The following PLB1 variants were observed in gnomAD, a reference collection of about 807,000 sequenced individuals.
The protein encoded by PLB1 is phospholipase B1.
In PLB1, 242 loss-of-function variants were observed where a neutral mutation model predicts 227.4. The observed-to-expected ratio is 1.06, with a 90% CI of 0.96 to 1.18. The LOEUF (loss-of-function observed/expected upper bound fraction) is 1.18, where lower values mean the gene tolerates loss of function less well. Ranked by LOEUF, PLB1 falls within the 50% of genes most tolerant of loss-of-function variation. The probability of loss-of-function intolerance (pLI) is 0.00; values close to 1 mark genes in which losing one functional copy is unlikely to be tolerated. For synonymous variants in PLB1, 757 were observed against 682.2 expected (o/e 1.11, Z -1.71); for missense variants, 1,858 against 1,816.3 (o/e 1.02, Z -0.42).
chr2:28,529,213 G>T, intron 6 of PLB1, 104 bp from the exon 7 acceptor site: 1 of 751,254 alleles, frequency 1.3e-6, no homozygotes, highest in South Asian at 1.6e-5. Flanking sequence ...CCAAGGTACT[G>T]AGATTATAGG....
At chr2:28,611,250 C>T (rs530357905) in intron 43 of PLB1, among the ~76,000 whole-genome samples, 32 of 152,320 alleles carry the variant, frequency 2.1e-4, no homozygotes, top group African/African-American at 6.7e-4. Flanking sequence ...CTCTGCCTCC[C>T]TTTCCCCAAC....
At position 28,602,911 on chromosome 2, in the gene PLB1, C is replaced by T; in HGVS notation, c.2764C>T (p.Gln922Ter). The change falls in exon 39 of 58, where the codon CAG becomes TAG. Residue 922 changes from glutamine (Q) to a stop codon, truncating the protein, a stop_gained. Coordinates refer to ENST00000327757, the MANE Select transcript of PLB1 (RefSeq NM_153021.5). LOFTEE classifies it high-confidence loss of function. ...GGGAAACCCAGACAAGTGCCCAGTG[C>T]AGCAGGCCAGGTAGGCAGGTCCTGG... ...FLGNPDKCPV[Q>*]QASVLCNCVL... The T allele has an allele frequency of 2.5e-6, 4 of 1,614,074 alleles. No individual in the cohort carries two copies. Among genetic ancestry groups the T allele is most frequent in the Non-Finnish European group, 3.4e-6 (4 of 1,179,938 alleles).
rs575131588 is a variant in PLB1 at position 28,623,905 on chromosome 2, G to C, written c.3528-1152G>C. 4.4e-3 allele frequency among the ~76,000 whole-genome samples: 669 copies of C among 152,300 alleles called. 3 individuals are homozygous for C. The highest frequency in any genetic ancestry group is 0.015 in the African/African-American group (634 of 41,552). On this transcript the variant is annotated intron_variant, in intron 49 of 57. Coordinates refer to ENST00000327757, the MANE Select transcript of PLB1 (RefSeq NM_153021.5). ...TTGCCCAGGAGTTGGAGACCAGTCT[G>C]AGCAACTTGGTGAAACCCTGTCTCT...
intron 23 of PLB1, among the ~76,000 whole-genome samples, chr2:28,581,472 G>T (rs1679928840): frequency 7.4e-6 from 1 of 134,884 alleles, no homozygotes; most frequent in African/African-American, 3.0e-5. Context: ...AGTAGATCCA[G>T]AGCTCCACGC....
intron 43 of PLB1, among the ~76,000 whole-genome samples, chr2:28,612,769 A>ATTTTTTTTTTTTTTTTT (rs10557060): frequency 1.6e-5 from 2 of 124,906 alleles, no homozygotes; most frequent in African/African-American, 6.1e-5. Context: ...CCACACCTGG[A>ATTTTTTTTTTTTTTTTT]TTTTTTTTTT....
At chr2:28,587,542 G>A (rs62131024) in intron 26 of PLB1, among the ~76,000 whole-genome samples, 30,775 of 151,844 alleles carry the variant, frequency 0.2, 3,244 homozygotes, top group East Asian at 0.28. Context: ...CCCAGGAGGC[G>A]GAGGTTGCAG....
intron 19 of PLB1, 146 bp from the exon 20 acceptor site, chr2:28,566,650 T>G (rs1676959568): frequency 7.1e-6 from 6 of 845,724 alleles, no homozygotes; most frequent in Middle Eastern, 4.6e-4. Context: ...GCTTTTTCCG[T>G]TTTTCTACTG....
chr2:28,554,241 AATAG>A (rs954658474), intron 17 of PLB1, among the ~76,000 whole-genome samples: 1 of 152,120 alleles, frequency 6.6e-6, no homozygotes, highest in South Asian at 2.1e-4. Context: ...CTTACTCAAA[AATAG>A]ATAGATTAGG....
Position 28,601,258 on chromosome 2 carries a change from A to T in PLB1, c.2533A>T (p.Asn845Tyr), listed in dbSNP as rs753253333. The T allele has an allele frequency of 1.9e-6, 3 of 1,612,990 alleles. No homozygotes were observed. In the South Asian group the frequency reaches 3.3e-5, roughly 18 times the overall value. Reference protein sequence around the residue: ...MQKMKDDHRVNFHEDWKVITV... With the variant: ...MQKMKDDHRVYFHEDWKVITV... ...TTTTCCTCCCTCCATATAGAGAGTAAATTTCCATGAAGACTGGAAGGTCAT... is the reference window on the plus strand; with the variant it reads ...TTTTCCTCCCTCCATATAGAGAGTATATTTCCATGAAGACTGGAAGGTCAT... The change falls in exon 37 of 58, where the codon AAT becomes TAT. Residue 845 changes from asparagine (N) to tyrosine (Y), a missense_variant. Physicochemically the swap from Asn to Tyr is moderately radical, Grantham distance 143 (BLOSUM62 -2). Transcript: ENST00000327757.
At position 28,538,330 on chromosome 2, in the gene PLB1, G is replaced by A. The variant is rs756041365; in HGVS notation, c.567G>A (p.Ala189=). Residue 189 remains alanine, a synonymous_variant, in exon 10 of 58, where the codon GCG becomes GCA. Coordinates refer to ENST00000327757, the MANE Select transcript of PLB1 (RefSeq NM_153021.5). The part of the protein sequence containing the change: ...LCPSAQQNGL[A]AGGVDELMGV... ...TTCTCCTCTCACAGAATGGGCTTGC[G>A]GCGGGCGGCGTGGATGAGCTGATGG... 29 of 1,613,474 alleles carry A rather than the reference G, an allele frequency of 1.8e-5. No homozygotes were observed. Among genetic ancestry groups the A allele is most frequent in the African/African-American group, 1.3e-4 (10 of 74,896 alleles).
chr2:28,564,609 G>T (rs977807079), intron 18 of PLB1, among the ~76,000 whole-genome samples: 18 of 152,188 alleles, frequency 1.2e-4, no homozygotes, highest in African/African-American at 4.3e-4. Flanking sequence ...TCCTAGGGAG[G>T]CAGCACTTTG....
Position 28,614,025 on chromosome 2 carries a change from T to G in PLB1, c.3130-6T>G, listed in dbSNP as rs748431461. 91 of 1,606,926 alleles carry G rather than the reference T, an allele frequency of 5.7e-5. No homozygotes were observed. The highest frequency in any genetic ancestry group is 6.2e-5 in the Non-Finnish European group (73 of 1,173,668). On this transcript the variant is annotated splice_polypyrimidine_tract_variant and splice_region_variant and intron_variant, in intron 43 of 57. Coordinates refer to ENST00000327757, the MANE Select transcript of PLB1 (RefSeq NM_153021.5). ...TAACTTCTCCATGTGTTTTTTTTTC[T>G]CTTAGAATGAGCCCTTCCTGAGAAC...
chr2:28,619,819 T>TGGTG (rs1686760826), intron 46 of PLB1, among the ~76,000 whole-genome samples: 1 of 151,898 alleles, frequency 6.6e-6, no homozygotes, highest in Non-Finnish European at 1.5e-5. Context: ...CTCAGAAGAT[T>TGGTG]GGTGGTGGGA....
rs1326097549 is a variant in PLB1 at position 28,574,380 on chromosome 2, CATTCTTTTT to C, written c.1433+1076_1433+1084del. ...TCTGAGTCCCCAAAGTCCATTATATCATTCTTTTTTTTTTTTTTTTGAGACAGGGTCTTG... is the reference window on the plus strand; with the variant it reads ...TCTGAGTCCCCAAAGTCCATTATATCTTTTTTTTTTTGAGACAGGGTCTTG... On this transcript the variant is annotated intron_variant, in intron 21 of 57. Coordinates refer to ENST00000327757, the MANE Select transcript of PLB1 (RefSeq NM_153021.5). Among the ~76,000 whole-genome samples, 20 of 33,944 alleles carry C rather than the reference CATTCTTTTT, an allele frequency of 5.9e-4. 1 individual carries two copies. The highest frequency in any genetic ancestry group is 5.5e-3 in the Admixed American group (12 of 2,198). 22.3% of individuals were successfully genotyped at this position (33,944 alleles called of 152,430 possible).
chr2:28,525,784 C>G (rs772927635), intron 5 of PLB1, 121 bp from the exon 6 acceptor site: 1 of 1,261,712 alleles, frequency 7.9e-7, no homozygotes, highest in Non-Finnish European at 1.1e-6. Flanking sequence ...GGAGGATAAT[C>G]CCAGAACCAG....
intron 1 of PLB1, among the ~76,000 whole-genome samples, chr2:28,504,340 G>T (rs1572629368): frequency 6.6e-6 from 1 of 152,222 alleles, no homozygotes; most frequent in East Asian, 1.9e-4. Flanking sequence ...TTGAAAATTG[G>T]TGATTTTATT....
chr2:28,521,442 T>G (rs1304228123), intron 4 of PLB1, among the ~76,000 whole-genome samples: 1 of 152,158 alleles, frequency 6.6e-6, no homozygotes, highest in East Asian at 1.9e-4. Flanking sequence ...CCAATGCCTG[T>G]TTTCTGGGGT....
intron 10 of PLB1, among the ~76,000 whole-genome samples, 182 bp downstream of exon 10, chr2:28,538,563 T>C (rs779499287): frequency 1.3e-5 from 2 of 152,104 alleles, no homozygotes; most frequent in Admixed American, 6.5e-5. Context: ...GAGAGCACAC[T>C]CCACTCCTGC....
At chr2:28,508,903 G>C (rs539121884) in intron 1 of PLB1, among the ~76,000 whole-genome samples, 1 of 152,168 alleles carries the variant, frequency 6.6e-6, no homozygotes, top group Non-Finnish European at 1.5e-5. Flanking sequence ...ACATGAGTTG[G>C]CCTTGAAAGT....
Sources: gnomAD v4.1 joint callset for allele counts (sites outside exome capture counted in the v4.1 genomes callset) on GRCh38, gnomAD v4.1.1 for gene constraint, MANE v1.5 for transcripts, NCBI Gene and HGNC (gene_info 2026-07-23, HGNC 2026-07-21) for gene names.